Variants in ACOXL observed in about 807,000 individuals in gnomAD.
ACOXL encodes the protein acyl-coenzyme A oxidase-like protein.
Under a neutral mutation model 71.9 loss-of-function variants are expected in ACOXL, and 70 were observed. The ratio of observed to expected loss-of-function variants is 0.97; its 90% CI spans 0.80 to 1.19. The LOEUF is 1.19. Ranked by LOEUF, ACOXL falls within the 50% of genes most tolerant of loss-of-function variation. ACOXL has a pLI of 0.00. For synonymous variants in ACOXL, 253 were observed against 281.6 expected, an observed-to-expected ratio of 0.90 and a Z score of 1.02; for missense variants, 703 against 736.3, an observed-to-expected ratio of 0.95 and a Z score of 0.52.
intron 17 of ACOXL, chr2:111,100,281 A>C (rs1259250955): frequency 2.0e-5 from 3 of 152,656 alleles, no homozygotes; most frequent in African/African-American, 7.2e-5. Context: ...TCCTGCCATG[A>C]GCTCAAATAA....
At chr2:111,053,350 A>G (rs1317995927) in intron 16 of ACOXL, among the ~76,000 whole-genome samples, 1 of 151,860 alleles carries the variant, frequency 6.6e-6, no homozygotes, top group East Asian at 1.9e-4. Context: ...GGGTAATCAC[A>G]AAACTTATCA....
chr2:110,749,779 A>C (rs1678684001), intron 1 of ACOXL, among the ~76,000 whole-genome samples: 1 of 152,158 alleles, frequency 6.6e-6, no homozygotes, highest in Admixed American at 6.5e-5. Context: ...GTATTTCTTT[A>C]GTTTTCCCAC....
At chr2:110,817,747 G>A (rs1323606866) in intron 9 of ACOXL, among the ~76,000 whole-genome samples, 2 of 152,094 alleles carry the variant, frequency 1.3e-5, no homozygotes, top group Non-Finnish European at 2.9e-5. Flanking sequence ...ACTTTTATCT[G>A]GCAAGAGTGT....
chr2:110,895,494 T>A (rs1359606996), intron 10 of ACOXL, among the ~76,000 whole-genome samples: 1 of 152,060 alleles, frequency 6.6e-6, no homozygotes, highest in Admixed American at 6.6e-5. Flanking sequence ...ATAGGAGGGC[T>A]GAAAAAGTGC....
intron 9 of ACOXL, among the ~76,000 whole-genome samples, chr2:110,839,928 A>G (rs1352280452): frequency 6.6e-6 from 1 of 152,000 alleles, no homozygotes; most frequent in Non-Finnish European, 1.5e-5. Context: ...CTTAAGGTGC[A>G]ACTTAGACTT....
At chr2:110,905,818 G>T (rs758632848) in intron 10 of ACOXL, among the ~76,000 whole-genome samples, 1 of 152,088 alleles carries the variant, frequency 6.6e-6, no homozygotes, top group Non-Finnish European at 1.5e-5. Flanking sequence ...TTAGATTCTC[G>T]TGAACACTCT....
At chr2:110,787,739 A>G (rs1430485594) in intron 3 of ACOXL, among the ~76,000 whole-genome samples, 1 of 151,798 alleles carries the variant, frequency 6.6e-6, no homozygotes, top group Non-Finnish European at 1.5e-5. Context: ...CCTTTGGACC[A>G]CTTGCTTCTA....
At chr2:110,862,344 A>C (rs1013864491) in intron 10 of ACOXL, among the ~76,000 whole-genome samples, 3 of 152,230 alleles carry the variant, frequency 2.0e-5, no homozygotes, top group Non-Finnish European at 4.4e-5. Flanking sequence ...AGCTGAGTGC[A>C]GTGGTTCACA....
At chr2:110,947,843 C>T (rs2061165255) in intron 12 of ACOXL, among the ~76,000 whole-genome samples, 1 of 152,242 alleles carries the variant, frequency 6.6e-6, no homozygotes, top group South Asian at 2.1e-4. Flanking sequence ...TGCACAACCA[C>T]ATTCTTTACA....
At chr2:110,784,495 A>G (rs1360466981) in intron 2 of ACOXL, among the ~76,000 whole-genome samples, 1 of 152,238 alleles carries the variant, frequency 6.6e-6, no homozygotes, top group Non-Finnish European at 1.5e-5. Flanking sequence ...GATGCAGTTG[A>G]CTATTGTATA....
chr2:110,891,972 G>C (rs1697979646), intron 10 of ACOXL, among the ~76,000 whole-genome samples: 2 of 151,960 alleles, frequency 1.3e-5, no homozygotes, highest in South Asian at 4.2e-4. Flanking sequence ...CCATGATTTG[G>C]ATAATTTCTA....
intron 9 of ACOXL, among the ~76,000 whole-genome samples, chr2:110,818,539 A>G (rs2105489452): frequency 6.6e-6 from 1 of 150,894 alleles, no homozygotes; most frequent in East Asian, 1.9e-4. Flanking sequence ...ATATATGTGT[A>G]TAAGTAGGTA....
rs143919636 is a variant in ACOXL, at chr2:110,957,120, A to C, written c.1059+23478A>C. Among the ~76,000 whole-genome samples, 86 of 146,726 alleles carry C rather than the reference A, an allele frequency of 5.9e-4. 1 individual carries two copies. In the East Asian group the frequency reaches 0.016, roughly 27 times the overall value. On this transcript the variant is annotated intron_variant, in intron 12 of 17. Coordinates refer to ENST00000439055, the MANE Select transcript of ACOXL (RefSeq NM_001142807.4). ...AGTAAGCTCACGGAAAATCTTACTC[A>C]CTTTTTTTTTTCGGATGAATCTGTT...
intron 1 of ACOXL, among the ~76,000 whole-genome samples, chr2:110,754,627 A>C (rs1275382688): frequency 1.3e-5 from 2 of 152,210 alleles, no homozygotes; most frequent in Admixed American, 6.5e-5. Flanking sequence ...GCCCTATCCA[A>C]GTTATTGTGA....
rs1203500708 is a variant in ACOXL at position 110,799,039 on chromosome 2, C to T, written c.486C>T (p.Val162=). Residue 162 remains valine (V), a synonymous_variant, in exon 7 of 18, where the codon GTC becomes GTT. Coordinates refer to ENST00000439055, the MANE Select transcript of ACOXL (RefSeq NM_001142807.4). ...GGCCCCACTGTTTCATCGTTCCTGT[C>T]CGGGATGAAAACGGAAGCTTGTACC... ...SQGPHCFIVP[V]RDENGSLYPG... 1.2e-6 allele frequency: 2 copies of T among 1,613,730 alleles called. No individual in the cohort carries two copies. The highest frequency in any genetic ancestry group is 2.2e-5 in the East Asian group (1 of 44,884).
At chr2:110,870,151 G>C (rs1043363458) in intron 10 of ACOXL, among the ~76,000 whole-genome samples, 3 of 152,186 alleles carry the variant, frequency 2.0e-5, no homozygotes, top group African/African-American at 4.8e-5. Context: ...TGCTCCACAG[G>C]GTGTTTCCCA....
At chr2:110,762,100 A>G (rs1192066146) in intron 1 of ACOXL, among the ~76,000 whole-genome samples, 2 of 152,084 alleles carry the variant, frequency 1.3e-5, no homozygotes, top group Non-Finnish European at 2.9e-5. Flanking sequence ...ATCTTTTGCT[A>G]TCTTTGGTGA....
chr2:110,794,012 G>T, intron 4 of ACOXL, 64 bp from the exon 5 acceptor site: 1 of 1,511,280 alleles, frequency 6.6e-7, no homozygotes, highest in Non-Finnish European at 9.2e-7. Flanking sequence ...AATGGTCCGA[G>T]GGGTCTGCAT....
intron 9 of ACOXL, among the ~76,000 whole-genome samples, chr2:110,840,567 T>C (rs1228515129): frequency 6.6e-6 from 1 of 152,254 alleles, no homozygotes; most frequent in Non-Finnish European, 1.5e-5. Context: ...AATAACTTGC[T>C]GATGCAGCTG....
Sources: allele counts gnomAD v4.1 joint callset (sites outside exome capture counted in the v4.1 genomes callset), GRCh38; gene constraint gnomAD v4.1.1; transcripts MANE v1.5; gene names NCBI Gene and HGNC (gene_info 2026-07-23, HGNC 2026-07-21).